Variants in NOVA2 observed in about 807,000 individuals in gnomAD.
NOVA2 encodes the protein NOVA alternative splicing regulator 2.
Under a neutral mutation model 22.5 loss-of-function variants are expected in NOVA2, and 9 were observed. The ratio of observed to expected loss-of-function variants is 0.40; its 90% CI spans 0.24 to 0.70. The LOEUF is 0.70. NOVA2 is among the 30% of genes least tolerant of loss of function. The probability of loss-of-function intolerance (pLI) is 0.38; values close to 1 mark genes in which losing one functional copy is unlikely to be tolerated. For synonymous variants in NOVA2, 318 were observed against 335.2 expected, an observed-to-expected ratio of 0.95 and a Z score of 0.56; for missense variants, 383 against 682.8, an observed-to-expected ratio of 0.56 and a Z score of 4.89.
chr19:45,966,912 G>C (rs8101795), intron 1 of NOVA2, among the ~76,000 whole-genome samples: 54,582 of 151,998 alleles, frequency 0.36, 11,748 homozygotes, highest in Non-Finnish European at 0.49. Context: ...TTTAAAAATC[G>C]TTGCTAACAA....
In NOVA2 at chr19:45,973,845, C is replaced by T. The variant is rs1041019682; in HGVS notation, c.-494G>A. ...GGGACTCCCCGCTTCTTCTTGGCTC[C>T]CTGGGGCAAGAGGGCCGAGCCCCCC... On this transcript the variant is annotated 5_prime_UTR_variant, in exon 1 of 4. Coordinates refer to ENST00000263257, the MANE Select transcript of NOVA2 (RefSeq NM_002516.4). Among the ~76,000 whole-genome samples the T allele has an allele frequency of 2.0e-5, 3 of 151,068 alleles. No individual in the cohort carries two copies. Among genetic ancestry groups the T allele is most frequent in the Admixed American group, 1.3e-4 (2 of 15,184 alleles).
At chr19:45,947,841 A>G (rs181091326) in intron 3 of NOVA2, among the ~76,000 whole-genome samples, 10 of 152,232 alleles carry the variant, frequency 6.6e-5, no homozygotes, top group Admixed American at 6.5e-4. Flanking sequence ...AAACAATGCA[A>G]TGTACTAGCC....
rs1967668372 is a variant in NOVA2 at position 45,937,279 on chromosome 19, G to C, written c.*2584C>G. 6.6e-6 allele frequency: 1 copy of C among 152,264 alleles called. No individual in the cohort carries two copies. Among genetic ancestry groups the C allele is most frequent in the South Asian group, 2.1e-4 (1 of 4,832 alleles). The allele number at this position is 152,264 out of a possible 1,614,324, so 9.4% of individuals were successfully genotyped here. A position where few individuals can be genotyped will look rare whatever the true frequency, so the allele number is the denominator to read the frequency against. On this transcript the variant is annotated 3_prime_UTR_variant, in exon 4 of 4. Coordinates refer to ENST00000263257, the MANE Select transcript of NOVA2 (RefSeq NM_002516.4). ...CCTGGACCCGGCTGATTGGGACCCA[G>C]ACTCCAGTGAATGAGTTTGTAGAAA...
chr19:45,948,599 CA>C (rs1227808626), intron 3 of NOVA2, among the ~76,000 whole-genome samples: 4,749 of 72,590 alleles, frequency 0.065, 41 homozygotes, highest in Non-Finnish European at 0.08. Context: ...GACTCTGTCT[CA>C]AAAAAAAAAA....
At chr19:45,958,524 T>C (rs1423555394) in intron 2 of NOVA2, among the ~76,000 whole-genome samples, 1 of 134,672 alleles carries the variant, frequency 7.4e-6, no homozygotes, top group African/African-American at 3.2e-5. Flanking sequence ...TGTGACAATG[T>C]GTGACAGTGT....
chr19:45,951,459 A>G (rs1967923666), intron 3 of NOVA2, among the ~76,000 whole-genome samples: 1 of 152,084 alleles, frequency 6.6e-6, no homozygotes, highest in Non-Finnish European at 1.5e-5. Context: ...TCTACTAAAA[A>G]TACAAAAAAT....
chr19:45,939,819 G>C lies in NOVA2; in HGVS notation c.*44C>G, dbSNP rs1453010800. The C allele has an allele frequency of 6.2e-7, 1 of 1,609,300 alleles. No individual in the cohort carries two copies. The highest frequency in any genetic ancestry group is 2.2e-5 in the East Asian group (1 of 44,712). ...GGGGGGAGGAGGAGAGGGAAGAGGAGGAGATGGGAGGAGAGAAAAGGGTGG... is the reference window on the plus strand; with the variant it reads ...GGGGGGAGGAGGAGAGGGAAGAGGACGAGATGGGAGGAGAGAAAAGGGTGG... On this transcript the variant is annotated 3_prime_UTR_variant, in exon 4 of 4. Coordinates refer to ENST00000263257, the MANE Select transcript of NOVA2 (RefSeq NM_002516.4).
intron 1 of NOVA2, among the ~76,000 whole-genome samples, chr19:45,968,095 G>T (rs1431742310): frequency 6.6e-6 from 1 of 152,164 alleles, no homozygotes; most frequent in East Asian, 1.9e-4. Flanking sequence ...TGGGGGTCAT[G>T]AATGACAAAG....
chr19:45,971,983 A>G (rs924608766), intron 1 of NOVA2, among the ~76,000 whole-genome samples: 2 of 151,828 alleles, frequency 1.3e-5, no homozygotes, highest in African/African-American at 4.8e-5. Flanking sequence ...CCGTGGTGTC[A>G]AACATTCGGC....
chr19:45,955,935 T>C (rs1967999620), intron 2 of NOVA2, among the ~76,000 whole-genome samples: 1 of 152,138 alleles, frequency 6.6e-6, no homozygotes, highest in Non-Finnish European at 1.5e-5. Flanking sequence ...TGTACCTGTG[T>C]GTCTGGGATA....
intron 2 of NOVA2, among the ~76,000 whole-genome samples, chr19:45,956,342 C>A (rs911085783): frequency 1.3e-5 from 2 of 152,174 alleles, no homozygotes; most frequent in South Asian, 2.1e-4. Flanking sequence ...AGTCTTTGAC[C>A]TTCCATCCCC....
intron 3 of NOVA2, among the ~76,000 whole-genome samples, chr19:45,941,825 C>T (rs182629094): frequency 4.9e-4 from 75 of 152,298 alleles, no homozygotes; most frequent in African/African-American, 1.7e-3. Flanking sequence ...AGCCCCTCAA[C>T]CACCCTGTCC....
intron 1 of NOVA2, among the ~76,000 whole-genome samples, chr19:45,968,743 G>A (rs939408303): frequency 1.3e-5 from 2 of 152,060 alleles, no homozygotes; most frequent in African/African-American, 2.4e-5. Flanking sequence ...AGCAGGCTGA[G>A]GCTCAGAGTA....
chr19:45,942,146 T>C (rs1297481372), intron 3 of NOVA2, among the ~76,000 whole-genome samples: 3 of 152,240 alleles, frequency 2.0e-5, no homozygotes, highest in African/African-American at 7.2e-5. Context: ...CGTTGAACTC[T>C]CTGTTGTTAT....
At chr19:45,948,317 C>T (rs1170529896) in intron 3 of NOVA2, among the ~76,000 whole-genome samples, 5 of 152,052 alleles carry the variant, frequency 3.3e-5, no homozygotes, top group Admixed American at 1.3e-4. Flanking sequence ...TGATTATTGT[C>T]AGCCGGGCGT....
chr19:45,952,940 C>T (rs1191734670), intron 3 of NOVA2, among the ~76,000 whole-genome samples: 8 of 152,250 alleles, frequency 5.3e-5, no homozygotes, highest in African/African-American at 1.9e-4. Context: ...CCTGTCTTTG[C>T]CTCTAGGTAG....
At chr19:45,954,418 G>A (rs1306475893) in intron 2 of NOVA2, among the ~76,000 whole-genome samples, 3 of 152,182 alleles carry the variant, frequency 2.0e-5, no homozygotes, top group African/African-American at 7.2e-5. Context: ...CCCACCCCCA[G>A]GGGGACGAGG....
At chr19:45,965,917 TAGA>T (rs1968161594) in intron 1 of NOVA2, among the ~76,000 whole-genome samples, 1 of 152,208 alleles carries the variant, frequency 6.6e-6, no homozygotes, top group Non-Finnish European at 1.5e-5. Context: ...CCCAGGCACA[TAGA>T]AGATTTGAGA....
chr19:45,954,292 T>C (rs574369398), intron 2 of NOVA2, among the ~76,000 whole-genome samples: 1 of 152,300 alleles, frequency 6.6e-6, no homozygotes, highest in East Asian at 1.9e-4. Context: ...CTGGTTGCTT[T>C]GGCAACCATT....
Sources: allele counts gnomAD v4.1 joint callset (sites outside exome capture counted in the v4.1 genomes callset), GRCh38; gene constraint gnomAD v4.1.1; transcripts MANE v1.5; gene names NCBI Gene and HGNC (gene_info 2026-07-23, HGNC 2026-07-21).